Variants in PARD3B observed in about 807,000 individuals in gnomAD.
PARD3B encodes the protein partitioning defective 3 homolog B.
PARD3B carries 103 observed loss-of-function variants against 130.2 expected under a neutral mutation model. The observed-to-expected ratio is 0.79, with a 90% confidence interval of 0.67 to 0.93. The LOEUF (loss-of-function observed/expected upper bound fraction) is 0.93, where lower values mean the gene tolerates loss of function less well. Among genes scored for constraint, PARD3B ranks in the 40% least tolerant of loss-of-function variants. The pLI, the probability that PARD3B is intolerant of heterozygous loss-of-function variation, is 0.00. For missense variants in PARD3B, 1,609 were observed against 1,499.2 expected (o/e 1.07, Z -1.21); for synonymous variants, 583 against 553.2 (o/e 1.05, Z -0.76).
chr2:204,861,360 T>C (rs2045196437), intron 2 of PARD3B, among the ~76,000 whole-genome samples: 1 of 152,170 alleles, frequency 6.6e-6, no homozygotes, highest in African/African-American at 2.4e-5. Flanking sequence ...AAGAATGGTA[T>C]TAAGAAAAAT....
chr2:205,301,862 G>A lies in PARD3B; in HGVS notation c.2630+161G>A. 8.7e-7 allele frequency: 1 copy of A among 1,146,572 alleles called. No homozygotes were observed. Among genetic ancestry groups the A allele is most frequent in the East Asian group, 2.4e-5 (1 of 42,458 alleles). 71.0% of individuals were successfully genotyped at this position (1,146,572 alleles called of 1,614,324 possible). A position where few individuals can be genotyped will look rare whatever the true frequency, so the allele number is the denominator to read the frequency against. On this transcript the variant is annotated intron_variant, in intron 18 of 22. Coordinates refer to ENST00000406610, the MANE Select transcript of PARD3B (RefSeq NM_001302769.2). This position sits in a 1 kb window ranked among gnomAD's most constrained non-coding sequence, Gnocchi z 5.2. ...CTCGTTCTCTTTCTGCAGAGGCAGAGGAGCTTTTTGGGGAAAGTTACAGTG... is the reference window on the plus strand; with the variant it reads ...CTCGTTCTCTTTCTGCAGAGGCAGAAGAGCTTTTTGGGGAAAGTTACAGTG...
intron 20 of PARD3B, among the ~76,000 whole-genome samples, chr2:205,455,804 T>C (rs975171257): frequency 6.6e-6 from 1 of 152,186 alleles, no homozygotes; most frequent in Admixed American, 6.5e-5. Context: ...AACCAGGAAT[T>C]TGACATTGGT....
intron 16 of PARD3B, among the ~76,000 whole-genome samples, chr2:205,248,387 T>G (rs2039662842): frequency 1.5e-5 from 2 of 132,836 alleles, no homozygotes; most frequent in African/African-American, 2.9e-5. Context: ...GATTTGGTGG[T>G]GGTGGTGGTG....
chr2:205,225,383 C>T (rs1196317465), intron 15 of PARD3B, among the ~76,000 whole-genome samples: 1 of 152,100 alleles, frequency 6.6e-6, no homozygotes, highest in Non-Finnish European at 1.5e-5. Context: ...TTTTACTATA[C>T]CTGTTTGCCA....
chr2:205,288,924 T>C lies in PARD3B; in HGVS notation c.2186-11606T>C, dbSNP rs1294131721. The stretch of plus-strand genomic sequence containing the variant: ...TAACTGTGCTCTATGTCAGCATTCT[T>C]GGTACGTGGTTTGCAGAGATACCTG... On this transcript the variant is annotated intron_variant, in intron 16 of 22. Transcript: ENST00000406610. The surrounding 1 kb of genome is among the most constrained non-coding windows in gnomAD (Gnocchi z 4.0). 6.6e-6 allele frequency among the ~76,000 whole-genome samples: 1 copy of C among 152,228 alleles called. No homozygotes were observed. Among genetic ancestry groups the C allele is most frequent in the Non-Finnish European group, 1.5e-5 (1 of 68,038 alleles).
intron 19 of PARD3B, among the ~76,000 whole-genome samples, chr2:205,436,103 T>G (rs1366562319): frequency 6.6e-6 from 1 of 152,200 alleles, no homozygotes; most frequent in Non-Finnish European, 1.5e-5. Flanking sequence ...AACAGAACAA[T>G]GGAATAGCAA....
chr2:205,483,436 C>T (rs2049318845), intron 20 of PARD3B, among the ~76,000 whole-genome samples: 1 of 152,184 alleles, frequency 6.6e-6, no homozygotes, highest in Non-Finnish European at 1.5e-5. Flanking sequence ...TTTAGAAATG[C>T]AGCTGACAGT....
intron 5 of PARD3B, among the ~76,000 whole-genome samples, chr2:205,111,732 G>A (rs1703661705): frequency 6.6e-6 from 1 of 151,996 alleles, no homozygotes; most frequent in African/African-American, 2.4e-5. Context: ...ACATTTAATA[G>A]GAAAGATTTG....
intron 22 of PARD3B, among the ~76,000 whole-genome samples, chr2:205,596,734 CA>C (rs753551082): frequency 2.0e-5 from 3 of 151,978 alleles, no homozygotes; most frequent in Non-Finnish European, 4.4e-5. Context: ...TGTTTGTGGC[CA>C]AATAGGGTAC....
chr2:204,721,786 A>T (rs1390172625), intron 2 of PARD3B, among the ~76,000 whole-genome samples: 1 of 152,030 alleles, frequency 6.6e-6, no homozygotes, highest in African/African-American at 2.4e-5. Flanking sequence ...ATTTGAATTG[A>T]TTTTACATTT....
At chr2:205,369,480 TAA>T (rs914170311) in intron 18 of PARD3B, among the ~76,000 whole-genome samples, 78 of 152,314 alleles carry the variant, frequency 5.1e-4, no homozygotes, top group African/African-American at 1.7e-3. Context: ...GGAAATTCTT[TAA>T]ACAGCCTACG....
chr2:205,303,935 A>G (rs2042100492), intron 18 of PARD3B, among the ~76,000 whole-genome samples: 2 of 152,096 alleles, frequency 1.3e-5, no homozygotes, highest in East Asian at 1.9e-4. Context: ...ATTGATCACT[A>G]TACTTCTGTG....
intron 10 of PARD3B, among the ~76,000 whole-genome samples, chr2:205,141,888 A>T (rs1315607565): frequency 6.6e-6 from 1 of 152,178 alleles, no homozygotes; most frequent in South Asian, 2.1e-4. Flanking sequence ...TTTAATTTTA[A>T]TGAGAACGTG....
At chr2:205,173,481 G>A (rs561166306) in intron 12 of PARD3B, among the ~76,000 whole-genome samples, 1 of 152,280 alleles carries the variant, frequency 6.6e-6, no homozygotes, top group South Asian at 2.1e-4. Flanking sequence ...GTTTCCGCAT[G>A]TAGTAGATGC....
intron 2 of PARD3B, among the ~76,000 whole-genome samples, chr2:204,892,455 G>T (rs574120315): frequency 6.6e-6 from 1 of 152,162 alleles, no homozygotes; most frequent in African/African-American, 2.4e-5. Context: ...TATGGTAGCC[G>T]CTAGTCATGT....
intron 4 of PARD3B, among the ~76,000 whole-genome samples, chr2:205,059,668 CT>C (rs1206168700): frequency 1.3e-5 from 2 of 152,062 alleles, no homozygotes; most frequent in Non-Finnish European, 2.9e-5. Context: ...CTTGAATTTC[CT>C]TCCACATTAG....
At chr2:205,186,185 A>G (rs532372858) in intron 14 of PARD3B, among the ~76,000 whole-genome samples, 1 of 152,298 alleles carries the variant, frequency 6.6e-6, no homozygotes, top group Admixed American at 6.5e-5. Context: ...AAGGTATAAA[A>G]CAAAACTGAG....
intron 2 of PARD3B, 141 bp from the exon 3 acceptor site, chr2:204,965,011 G>T: frequency 1.6e-6 from 1 of 638,938 alleles, no homozygotes. Flanking sequence ...AAAATTAAGA[G>T]TTGTGGTATA....
chr2:205,582,942 G>A (rs2054046393), intron 22 of PARD3B, among the ~76,000 whole-genome samples: 1 of 152,162 alleles, frequency 6.6e-6, no homozygotes, highest in Non-Finnish European at 1.5e-5. Flanking sequence ...CATTGAACTG[G>A]CCATTCTCAG....
Sources: gnomAD v4.1 joint callset for allele counts (sites outside exome capture counted in the v4.1 genomes callset) on GRCh38, gnomAD v4.1.1 for gene constraint, Gnocchi (gnomAD v3.1) non-coding constraint, MANE v1.5 for transcripts, NCBI Gene and HGNC (gene_info 2026-07-23, HGNC 2026-07-21) for gene names.